The following DPH3 variants were observed in gnomAD, a reference collection of about 807,000 sequenced individuals.
DPH3 encodes the protein diphthamide biosynthesis protein 3.
A neutral mutation model predicts 10.2 loss-of-function variants in DPH3; 8 were observed. The observed-to-expected ratio is 0.79, with a 90% CI of 0.46 to 1.42. The LOEUF is 1.42. Ranked by LOEUF, DPH3 falls within the 40% of genes most tolerant of loss-of-function variation. The probability of loss-of-function intolerance (pLI) is 0.00; values close to 1 mark genes in which losing one functional copy is unlikely to be tolerated. For synonymous variants in DPH3, 35 were observed against 35.6 expected, an observed-to-expected ratio of 0.98 and a Z score of 0.06; for missense variants, 96 against 98.9, an observed-to-expected ratio of 0.97 and a Z score of 0.12.
At chr3:16,264,665 G>A (rs2064366420) in intron 1 of DPH3, 104 bp downstream of exon 1, 3 of 1,100,902 alleles carry the variant, frequency 2.7e-6, no homozygotes, top group Admixed American at 4.3e-5. Flanking sequence ...GGGAAAGAGG[G>A]CGTGGGTGAC....
At chr3:16,260,993 T>C (rs1397634236) in intron 2 of DPH3, among the ~76,000 whole-genome samples, 164 bp from the exon 3 acceptor site, 2 of 152,226 alleles carry the variant, frequency 1.3e-5, no homozygotes, top group African/African-American at 4.8e-5. Context: ...GCACCAGAAG[T>C]AGAATCTTAA....
Position 16,260,414 on chromosome 3 carries a change from C to T in DPH3, c.*350G>A, listed in dbSNP as rs1292203457. On this transcript the variant is annotated 3_prime_UTR_variant, in exon 3 of 3. Transcript: ENST00000488423. ...TACAATCTCTTTTTTATTAAGAAAT[C>T]CTAATGACTGAGGTAGATGATGCTG... 4.9e-6 allele frequency: 1 copy of T among 202,096 alleles called. No individual in the cohort carries two copies. Among genetic ancestry groups the T allele is most frequent in the Non-Finnish European group, 9.9e-6 (1 of 101,022 alleles). The allele number at this position is 202,096 out of a possible 1,614,324, so 12.5% of individuals were successfully genotyped here.
rs760197436 is a variant in DPH3, at chr3:16,264,900, G to T, written c.-24C>A. ...ATGGTCAGCGGGGGTGGCCGAAGGG[G>T]TAACGCCCCAGCAGTCCGAGGCCAG... On this transcript the variant is annotated 5_prime_UTR_variant, in exon 1 of 3. Coordinates refer to ENST00000488423, the MANE Select transcript of DPH3 (RefSeq NM_206831.3). 4 of 1,613,172 alleles carry T rather than the reference G, an allele frequency of 2.5e-6. No individual in the cohort carries two copies. The highest frequency in any genetic ancestry group is 1.1e-5 in the South Asian group (1 of 91,018).
Position 16,260,301 on chromosome 3 carries a change from C to T in DPH3, c.*463G>A, listed in dbSNP as rs934226242. 1 of 158,552 alleles carries T rather than the reference C, an allele frequency of 6.3e-6. No individual in the cohort carries two copies. The highest frequency in any genetic ancestry group is 1.4e-5 in the Non-Finnish European group (1 of 71,642). The allele number at this position is 158,552 out of a possible 1,614,324, so 9.8% of individuals were successfully genotyped here. A position where few individuals can be genotyped will look rare whatever the true frequency, so the allele number is the denominator to read the frequency against. ...AACTGGAAGTGTGGTACTGATGAAG[C>T]AACTAATTTTAAATTTAGAACAGCA... On this transcript the variant is annotated 3_prime_UTR_variant, in exon 3 of 3. Coordinates refer to ENST00000488423, the MANE Select transcript of DPH3 (RefSeq NM_206831.3).
At chr3:16,264,036 A>T in intron 2 of DPH3, 119 bp downstream of exon 2, 1 of 528,088 alleles carries the variant, frequency 1.9e-6, no homozygotes, top group Non-Finnish European at 3.1e-6. Context: ...GCCTAAAAAA[A>T]TACCGCACTT....
Position 16,260,727 on chromosome 3 carries a change from T to C in DPH3, c.*37A>G. On this transcript the variant is annotated 3_prime_UTR_variant, in exon 3 of 3. Transcript: ENST00000488423. Reference sequence around the variant, plus strand: ...CATTCGATATTTCTATCTGGGCTCATTCCAAATGTTCAGGATTTGGATTCC... The same window carrying C: ...CATTCGATATTTCTATCTGGGCTCACTCCAAATGTTCAGGATTTGGATTCC... The C allele has an allele frequency of 2.5e-6, 4 of 1,572,452 alleles. No homozygotes were observed. The highest frequency in any genetic ancestry group is 3.5e-6 in the Non-Finnish European group (4 of 1,143,742).
At position 16,264,847 on chromosome 3, in the gene DPH3, G is replaced by T. The variant is rs754252036; in HGVS notation, c.30C>A (p.Ile10=). The change falls in exon 1 of 3, where the codon ATC becomes ATA. Residue 10 remains isoleucine (I), a synonymous_variant. Coordinates refer to ENST00000488423, the MANE Select transcript of DPH3 (RefSeq NM_206831.3). Reference sequence around the variant, plus strand: ...AGTCCTCGTCATATTGGAAGTCCTCGATTTCCACCTCGTCATGAAACACTG... The same window carrying T: ...AGTCCTCGTCATATTGGAAGTCCTCTATTTCCACCTCGTCATGAAACACTG... MAVFHDEVE[I]EDFQYDEDSE... The T allele has an allele frequency of 6.8e-6, 11 of 1,614,122 alleles. No homozygotes were observed. In the South Asian group the frequency reaches 1.1e-4, roughly 16 times the overall value.
chr3:16,263,493 C>T lies in DPH3; in HGVS notation c.183+662G>A, dbSNP rs888388307. ...AATCATTATATTTCTAAATTATAGT[C>T]TAAATTATAGCCCGCTTCTCTCATG... On this transcript the variant is annotated intron_variant, in intron 2 of 2. Coordinates refer to ENST00000488423, the MANE Select transcript of DPH3 (RefSeq NM_206831.3). This position sits in a 1 kb window ranked among gnomAD's most constrained non-coding sequence, Gnocchi z 4.0. Among the ~76,000 whole-genome samples, 3 of 152,210 alleles carry T rather than the reference C, an allele frequency of 2.0e-5. No homozygotes were observed. The highest frequency in any genetic ancestry group is 4.8e-5 in the African/African-American group (2 of 41,448).
Position 16,263,178 on chromosome 3 carries a change from T to C in DPH3, c.183+977A>G, listed in dbSNP as rs151131152. On this transcript the variant is annotated intron_variant, in intron 2 of 2. Transcript: ENST00000488423. This position sits in a 1 kb window ranked among gnomAD's most constrained non-coding sequence, Gnocchi z 4.0. ...ACAACTTCTTACGCTACTCTCATCC[T>C]GCTCTGCTCTGGTCACACTGGCCTC... Among the ~76,000 whole-genome samples the C allele has an allele frequency of 1.4e-3, 209 of 152,300 alleles. No homozygotes were observed. Among genetic ancestry groups the C allele is most frequent in the African/African-American group, 4.9e-3 (202 of 41,568 alleles).
chr3:16,257,786 T>C lies in DPH3; in HGVS notation c.*2978A>G, dbSNP rs1044194654. Among the ~76,000 whole-genome samples, 1 of 152,180 alleles carries C rather than the reference T, an allele frequency of 6.6e-6. No homozygotes were observed. Among genetic ancestry groups the C allele is most frequent in the Non-Finnish European group, 1.5e-5 (1 of 68,026 alleles). ...TCTTACTACCACTTGACTCAGTTAT[T>C]TTTTTCCCAAACAATAGAAATCCAG... On this transcript the variant is annotated 3_prime_UTR_variant, in exon 3 of 3. Coordinates refer to ENST00000488423, the MANE Select transcript of DPH3 (RefSeq NM_206831.3).
chr3:16,260,000 G>A lies in DPH3; in HGVS notation c.*764C>T, dbSNP rs945433949. ...TGGTATGCTTTGCTCCTCTCATTCT[G>A]TCACCAATTTCACTTCTTTTGGATG... On this transcript the variant is annotated 3_prime_UTR_variant, in exon 3 of 3. Coordinates refer to ENST00000488423, the MANE Select transcript of DPH3 (RefSeq NM_206831.3). 2.0e-5 allele frequency: 3 copies of A among 152,180 alleles called. No individual in the cohort carries two copies. The highest frequency in any genetic ancestry group is 2.0e-4 in the Admixed American group (3 of 15,282). 9.4% of individuals were successfully genotyped at this position (152,180 alleles called of 1,614,324 possible). A position where few individuals can be genotyped will look rare whatever the true frequency, so the allele number is the denominator to read the frequency against.
In DPH3 at chr3:16,263,048, A is replaced by AT. The variant is rs1175133836; in HGVS notation, c.183+1106dup. On this transcript the variant is annotated intron_variant, in intron 2 of 2. Coordinates refer to ENST00000488423, the MANE Select transcript of DPH3 (RefSeq NM_206831.3). The surrounding 1 kb of genome is among the most constrained non-coding windows in gnomAD (Gnocchi z 4.0). ...TACTCTGAACACAGCAGCCAGAATC[A>AT]TTTTTTAAAAAACTTAAGTTGGATC... is the stretch of plus-strand genomic sequence containing the variant. Among the ~76,000 whole-genome samples the AT allele has an allele frequency of 2.0e-5, 3 of 152,238 alleles. No individual in the cohort carries two copies. Among genetic ancestry groups the AT allele is most frequent in the African/African-American group, 4.8e-5 (2 of 41,460 alleles).
chr3:16,262,830 T>C lies in DPH3; in HGVS notation c.183+1325A>G, dbSNP rs567943876. Among the ~76,000 whole-genome samples, 1 of 152,276 alleles carries C rather than the reference T, an allele frequency of 6.6e-6. No individual in the cohort carries two copies. Among genetic ancestry groups the C allele is most frequent in the Non-Finnish European group, 1.5e-5 (1 of 68,020 alleles). Reference sequence around the variant, plus strand: ...TCCTCCCAGTTATTAAGGTCACAAATATTGAAATCATCCTTGTCTCACTCC... The same window carrying C: ...TCCTCCCAGTTATTAAGGTCACAAACATTGAAATCATCCTTGTCTCACTCC... On this transcript the variant is annotated intron_variant, in intron 2 of 2. Coordinates refer to ENST00000488423, the MANE Select transcript of DPH3 (RefSeq NM_206831.3). The surrounding 1 kb of genome is among the most constrained non-coding windows in gnomAD (Gnocchi z 4.7).
Position 16,259,402 on chromosome 3 carries a change from G to C in DPH3, c.*1362C>G, listed in dbSNP as rs2064277148. The C allele has an allele frequency of 6.6e-6, 1 of 152,244 alleles. No individual in the cohort carries two copies. Among genetic ancestry groups the C allele is most frequent in the South Asian group, 2.1e-4 (1 of 4,838 alleles). The allele number at this position is 152,244 out of a possible 1,614,324, so 9.4% of individuals were successfully genotyped here. A position where few individuals can be genotyped will look rare whatever the true frequency, so the allele number is the denominator to read the frequency against. ...TCACTTGTTTTAACGTCCAATGAAT[G>C]TGTGCAGTACATTTACCAGTAACAG... On this transcript the variant is annotated 3_prime_UTR_variant, in exon 3 of 3. Transcript: ENST00000488423.
chr3:16,260,898 C>T (rs2064288486), intron 2 of DPH3, 69 bp from the exon 3 acceptor site: 5 of 1,356,496 alleles, frequency 3.7e-6, no homozygotes, highest in Admixed American at 1.8e-5. Flanking sequence ...ATTAAACCTT[C>T]ATTTTGTTAC....
chr3:16,263,164 C>A lies in DPH3; in HGVS notation c.183+991G>T, dbSNP rs538387520. Among the ~76,000 whole-genome samples, 1 of 131,110 alleles carries A rather than the reference C, an allele frequency of 7.6e-6. No homozygotes were observed. Among genetic ancestry groups the A allele is most frequent in the Non-Finnish European group, 1.6e-5 (1 of 60,896 alleles). The allele number at this position is 131,110 out of a possible 152,430, so 86.0% of individuals were successfully genotyped here. On this transcript the variant is annotated intron_variant, in intron 2 of 2. Coordinates refer to ENST00000488423, the MANE Select transcript of DPH3 (RefSeq NM_206831.3). The surrounding 1 kb of genome is among the most constrained non-coding windows in gnomAD (Gnocchi z 4.0). Reference sequence around the variant, plus strand: ...CCTTAAAGTGATCCACAACTTCTTACGCTACTCTCATCCTGCTCTGCTCTG... The same window carrying A: ...CCTTAAAGTGATCCACAACTTCTTAAGCTACTCTCATCCTGCTCTGCTCTG...
At chr3:16,260,953 A>T (rs778518403) in intron 2 of DPH3, 124 bp from the exon 3 acceptor site, 19 of 804,916 alleles carry the variant, frequency 2.4e-5, no homozygotes, top group Non-Finnish European at 3.7e-5. Context: ...TGCTATTATC[A>T]TTTCATCCTT....
chr3:16,263,522 C>A lies in DPH3; in HGVS notation c.183+633G>T, dbSNP rs2064323018. 6.6e-6 allele frequency among the ~76,000 whole-genome samples: 1 copy of A among 152,200 alleles called. No individual in the cohort carries two copies. The highest frequency in any genetic ancestry group is 2.1e-4 in the South Asian group (1 of 4,834). On this transcript the variant is annotated intron_variant, in intron 2 of 2. Transcript: ENST00000488423. This position sits in a 1 kb window ranked among gnomAD's most constrained non-coding sequence, Gnocchi z 4.0. The stretch of plus-strand genomic sequence containing the variant: ...ATTATAGCCCGCTTCTCTCATGAGG[C>A]TCTGTGCCTCATCCCCACTTTCCCT...
chr3:16,264,129 C>T (rs755380116), intron 2 of DPH3, 26 bp downstream of exon 2: 1 of 1,551,792 alleles, frequency 6.4e-7, no homozygotes, highest in South Asian at 1.2e-5. Flanking sequence ...AATACCCTTC[C>T]CCCGTTTTAA....
Sources: allele counts gnomAD v4.1 joint callset (sites outside exome capture counted in the v4.1 genomes callset), GRCh38; gene constraint gnomAD v4.1.1; non-coding constraint Gnocchi (gnomAD v3.1); transcripts MANE v1.5; gene names NCBI Gene and HGNC (gene_info 2026-07-23, HGNC 2026-07-21).